UBE4A: variants seen among roughly 807,000 people sequenced by gnomAD.
UBE4A encodes the protein ubiquitination factor E4A, also known as ubiquitin conjugation factor E4 A.
A neutral mutation model predicts 117.9 loss-of-function variants in UBE4A; 48 were observed. The observed-to-expected ratio is 0.41, with a 90% CI of 0.32 to 0.52. The LOEUF is 0.52. Ranked by LOEUF, UBE4A falls within the 20% of genes least tolerant of loss-of-function variation. The pLI is 0.33. For missense variants in UBE4A, 1,067 were observed against 1,296.3 expected (o/e 0.82, Z 2.72); for synonymous variants, 407 against 450.0 (o/e 0.90, Z 1.21).
chr11:118,396,483 A>G lies in UBE4A; in HGVS notation c.*43A>G. 6.3e-7 allele frequency: 1 copy of G among 1,583,824 alleles called. No individual in the cohort carries two copies. The highest frequency in any genetic ancestry group is 8.6e-7 in the Non-Finnish European group (1 of 1,168,088). ...AACCAAAACCAACCCCAGAGTGCAG[A>G]TAAACAATTGTTTGTGGTTTCTCTC... On this transcript the variant is annotated 3_prime_UTR_variant, in exon 20 of 20. Transcript: ENST00000252108.
At chr11:118,394,088 G>A (rs1217409448) in intron 19 of UBE4A, among the ~76,000 whole-genome samples, 1 of 152,114 alleles carries the variant, frequency 6.6e-6, no homozygotes, top group African/African-American at 2.4e-5. Flanking sequence ...TGCTTAATGG[G>A]CCCCTTAACT....
At chr11:118,371,334 A>G (rs577622773) in intron 4 of UBE4A, among the ~76,000 whole-genome samples, 180 bp from the exon 5 acceptor site, 4 of 152,274 alleles carry the variant, frequency 2.6e-5, no homozygotes, top group African/African-American at 9.6e-5. Flanking sequence ...AACTTTATAT[A>G]TGCCATAATT....
intron 4 of UBE4A, 23 bp downstream of exon 4, chr11:118,369,558 G>A: frequency 6.3e-7 from 1 of 1,588,956 alleles, no homozygotes; most frequent in Non-Finnish European, 8.6e-7. Flanking sequence ...CGTTCCTAAT[G>A]TGTGCCCTTA....
chr11:118,377,488 A>G (rs782720579), intron 10 of UBE4A, among the ~76,000 whole-genome samples: 7 of 152,040 alleles, frequency 4.6e-5, no homozygotes, highest in Non-Finnish European at 8.8e-5. Context: ...GATTACAGGC[A>G]TGAGCCACTG....
intron 19 of UBE4A, among the ~76,000 whole-genome samples, chr11:118,395,974 C>G (rs1243027893): frequency 2.0e-5 from 3 of 151,876 alleles, no homozygotes; most frequent in Non-Finnish European, 4.4e-5. Context: ...ACTTGGGAGG[C>G]TGAGGTCAGA....
At chr11:118,374,514 G>A (rs1172331324) in intron 8 of UBE4A, among the ~76,000 whole-genome samples, 2 of 152,196 alleles carry the variant, frequency 1.3e-5, no homozygotes, top group Non-Finnish European at 2.9e-5. Context: ...GTAAATAAAG[G>A]TTTATTGAAC....
At chr11:118,381,554 G>A (rs782326563) in intron 12 of UBE4A, 31 bp downstream of exon 12, 21 of 1,606,604 alleles carry the variant, frequency 1.3e-5, no homozygotes, top group Non-Finnish European at 1.8e-5. Flanking sequence ...TTCTGTCACT[G>A]TTTAGGCTGT....
At chr11:118,373,402 T>G (rs914668752) in intron 7 of UBE4A, 92 bp from the exon 8 acceptor site, 4 of 1,523,730 alleles carry the variant, frequency 2.6e-6, no homozygotes, top group Non-Finnish European at 3.5e-6. Context: ...ATAGCTTGGT[T>G]GTTGTATCAA....
At chr11:118,361,683 C>T (rs1276080591) in intron 1 of UBE4A, among the ~76,000 whole-genome samples, 1 of 152,196 alleles carries the variant, frequency 6.6e-6, no homozygotes, top group Non-Finnish European at 1.5e-5. Context: ...ATCCACCATT[C>T]TACACATGCC....
Position 118,373,505 on chromosome 11 carries a change from A to C in UBE4A, c.936A>C (p.Glu312Asp). Reference sequence around the variant, plus strand: ...GTCTTCTCTTACAGGTTTTTGTAGAATACATTCAGCCCAAGGACCCTACCA... The same window carrying C: ...GTCTTCTCTTACAGGTTTTTGTAGACTACATTCAGCCCAAGGACCCTACCA... ...RQKDMAKVFV[E>D]YIQPKDPTNG... The change falls in exon 8 of 20, where the codon GAA (glutamate) becomes GAC (aspartate). Residue 312 changes from glutamate (E) to aspartate (D), a missense_variant. Transcript: ENST00000252108. 1 of 1,612,556 alleles carries C rather than the reference A, an allele frequency of 6.2e-7. No individual in the cohort carries two copies. Among genetic ancestry groups the C allele is most frequent in the Non-Finnish European group, 8.5e-7 (1 of 1,179,440 alleles).
intron 2 of UBE4A, 151 bp downstream of exon 2, chr11:118,365,352 TTTTG>T: frequency 8.3e-7 from 1 of 1,202,312 alleles, no homozygotes; most frequent in South Asian, 1.7e-5. Flanking sequence ...AATTGGGGTT[TTTTG>T]TTTGTTTGCT....
intron 3 of UBE4A, among the ~76,000 whole-genome samples, chr11:118,369,041 T>C (rs549784563): frequency 3.7e-4 from 57 of 152,352 alleles, no homozygotes; most frequent in Admixed American, 2.4e-3. Context: ...TACTTGCCTT[T>C]ACTACCTTAA....
At chr11:118,389,573 A>G in intron 16 of UBE4A, 152 bp from the exon 17 acceptor site, 1 of 754,496 alleles carries the variant, frequency 1.3e-6, no homozygotes, top group South Asian at 5.6e-5. Flanking sequence ...CTGCAGTGAA[A>G]ATGAATTACT....
chr11:118,365,237 C>T, intron 2 of UBE4A, 36 bp downstream of exon 2: 2 of 1,530,428 alleles, frequency 1.3e-6, no homozygotes, highest in Admixed American at 2.2e-5. Context: ...AATAAGATGA[C>T]CTAGAATGGG....
At chr11:118,393,951 C>G (rs1320796197) in intron 19 of UBE4A, among the ~76,000 whole-genome samples, 4 of 152,174 alleles carry the variant, frequency 2.6e-5, no homozygotes, top group African/African-American at 9.7e-5. Context: ...AACTCACGTT[C>G]TGTTGCTGTT....
intron 16 of UBE4A, among the ~76,000 whole-genome samples, chr11:118,387,215 A>C (rs1948767769): frequency 6.6e-6 from 1 of 152,234 alleles, no homozygotes; most frequent in Non-Finnish European, 1.5e-5. Context: ...GAAATCCTCT[A>C]ATGTGAAAAA....
At chr11:118,392,369 A>C (rs782517980) in intron 18 of UBE4A, among the ~76,000 whole-genome samples, 1 of 152,214 alleles carries the variant, frequency 6.6e-6, no homozygotes, top group Non-Finnish European at 1.5e-5. Flanking sequence ...TAATTATGCA[A>C]ATAATACCCT....
chr11:118,365,227 A>G (rs1271272531), intron 2 of UBE4A, 26 bp downstream of exon 2: 2 of 1,564,678 alleles, frequency 1.3e-6, no homozygotes, highest in Admixed American at 3.9e-5. Flanking sequence ...AATAGCAGCA[A>G]ATAAGATGAC....
intron 16 of UBE4A, among the ~76,000 whole-genome samples, chr11:118,389,360 GT>G (rs1948790624): frequency 6.6e-6 from 1 of 152,144 alleles, no homozygotes; most frequent in Admixed American, 6.5e-5. Flanking sequence ...TTGCAATATA[GT>G]TACTGAAAAC....
Sources: gnomAD v4.1 joint callset for allele counts (sites outside exome capture counted in the v4.1 genomes callset) on GRCh38, gnomAD v4.1.1 for gene constraint, MANE v1.5 for transcripts, NCBI Gene and HGNC (gene_info 2026-07-23, HGNC 2026-07-21) for gene names.